Variants in KIAA1217 observed in about 807,000 individuals in gnomAD.
KIAA1217 encodes KIAA1217.
In KIAA1217, 88 loss-of-function variants were observed where a neutral mutation model predicts 163.9. The observed-to-expected ratio is 0.54, with a 90% confidence interval of 0.45 to 0.64. The LOEUF is 0.64. Among genes scored for constraint, KIAA1217 ranks in the 30% least tolerant of loss-of-function variants. The pLI is 0.00. For missense variants in KIAA1217, 2,372 were observed against 2,475.0 expected (o/e 0.96, Z 0.88); for synonymous variants, 903 against 923.1 (o/e 0.98, Z 0.39).
chr10:24,009,147 G>C (rs961042045), intron 2 of KIAA1217, among the ~76,000 whole-genome samples: 1 of 152,102 alleles, frequency 6.6e-6, no homozygotes, highest in African/African-American at 2.4e-5. Context: ...TAATTTTAAA[G>C]AATAAAATAA....
In KIAA1217 at chr10:23,755,321, TC is replaced by T. The variant is rs202176363; in HGVS notation, c.-321+60088del. 1.6e-3 allele frequency among the ~76,000 whole-genome samples: 248 copies of T among 152,340 alleles called. 13 individuals carry two copies. The East Asian group carries it at 0.028, about 17-fold the overall frequency. On this transcript the variant is annotated intron_variant, in intron 1 of 18. Transcript: ENST00000376462. ...CATTTCTAATATATACGACAGTTCT[TC>T]ACCATAGATCTTTGGCCATATCCAG...
chr10:24,451,732 C>T (rs988604824), intron 5 of KIAA1217, among the ~76,000 whole-genome samples: 1 of 152,346 alleles, frequency 6.6e-6, no homozygotes, highest in Middle Eastern at 3.4e-3. Context: ...TTTGCCACAT[C>T]CCTCTGCCCT....
intron 1 of KIAA1217, among the ~76,000 whole-genome samples, chr10:23,714,262 T>A (rs11593748): frequency 0.18 from 27,495 of 152,076 alleles, 2,635 homozygotes; most frequent in Middle Eastern, 0.26. Context: ...TACTAACCAT[T>A]GTCTTAGGGC....
chr10:23,856,017 A>C (rs1262956052), intron 1 of KIAA1217, among the ~76,000 whole-genome samples: 1 of 152,186 alleles, frequency 6.6e-6, no homozygotes, highest in Non-Finnish European at 1.5e-5. Flanking sequence ...AACTCGTGAA[A>C]GTCATTCTCC....
At chr10:23,934,967 A>G (rs1459080401) in intron 1 of KIAA1217, among the ~76,000 whole-genome samples, 1 of 152,102 alleles carries the variant, frequency 6.6e-6, no homozygotes, top group African/African-American at 2.4e-5. Flanking sequence ...AAACAAATGC[A>G]AATAAATTCA....
chr10:23,895,821 G>T (rs1306170177), intron 1 of KIAA1217, among the ~76,000 whole-genome samples: 1 of 151,818 alleles, frequency 6.6e-6, no homozygotes, highest in Non-Finnish European at 1.5e-5. Flanking sequence ...CATAAAAAAT[G>T]ATGAGTTCAT....
chr10:24,273,014 T>C (rs1249701745), intron 2 of KIAA1217, among the ~76,000 whole-genome samples: 2 of 152,224 alleles, frequency 1.3e-5, no homozygotes, highest in African/African-American at 2.4e-5. Context: ...CTTCTGCGCC[T>C]TGGACAGTTA....
chr10:23,824,679 A>G (rs1370218694), intron 1 of KIAA1217, among the ~76,000 whole-genome samples: 1 of 138,962 alleles, frequency 7.2e-6, no homozygotes, highest in African/African-American at 2.6e-5. Context: ...ATATATATAT[A>G]TATGTATATA....
chr10:23,712,145 T>C (rs1837295746), intron 1 of KIAA1217, among the ~76,000 whole-genome samples: 1 of 152,100 alleles, frequency 6.6e-6, no homozygotes, highest in African/African-American at 2.4e-5. Context: ...AGGGCCAAAC[T>C]GTACAGGGTA....
At chr10:24,317,845 T>C (rs1361345828) in intron 2 of KIAA1217, among the ~76,000 whole-genome samples, 1 of 152,232 alleles carries the variant, frequency 6.6e-6, no homozygotes, top group Non-Finnish European at 1.5e-5. Context: ...TAGTGGCCAA[T>C]TGAAAATACA....
chr10:24,441,550 T>TG (rs1294755321), intron 5 of KIAA1217, among the ~76,000 whole-genome samples: 1 of 152,130 alleles, frequency 6.6e-6, no homozygotes, highest in African/African-American at 2.4e-5. Context: ...GCATGCTTGG[T>TG]GGGGAAAACG....
chr10:24,063,306 T>C (rs2060806183), intron 2 of KIAA1217, among the ~76,000 whole-genome samples: 1 of 152,220 alleles, frequency 6.6e-6, no homozygotes, highest in African/African-American at 2.4e-5. Flanking sequence ...CATGTTGAAT[T>C]AATTTTTGTA....
At chr10:24,411,669 C>T (rs1430756001) in intron 3 of KIAA1217, among the ~76,000 whole-genome samples, 1 of 151,948 alleles carries the variant, frequency 6.6e-6, no homozygotes, top group African/African-American at 2.4e-5. Context: ...TTGAGACATC[C>T]TTTTCTATTA....
intron 2 of KIAA1217, among the ~76,000 whole-genome samples, chr10:24,188,150 A>G (rs1441993637): frequency 1.3e-5 from 2 of 152,102 alleles, no homozygotes; most frequent in Non-Finnish European, 2.9e-5. Context: ...TGAGCCGAGA[A>G]CCCACCACTG....
intron 2 of KIAA1217, among the ~76,000 whole-genome samples, chr10:24,126,410 C>T (rs2063475100): frequency 6.6e-6 from 1 of 152,012 alleles, no homozygotes; most frequent in Admixed American, 6.6e-5. Context: ...TAGTCTTAGT[C>T]ACTTAAAACA....
At chr10:24,437,520 A>G (rs1272632902) in intron 4 of KIAA1217, among the ~76,000 whole-genome samples, 1 of 152,212 alleles carries the variant, frequency 6.6e-6, no homozygotes, top group Non-Finnish European at 1.5e-5. Flanking sequence ...GAGCTAGCCC[A>G]GCCGGCATTG....
chr10:23,764,926 C>G (rs10828543), intron 1 of KIAA1217, among the ~76,000 whole-genome samples: 42,817 of 151,962 alleles, frequency 0.28, 7,425 homozygotes, highest in African/African-American at 0.49. Context: ...TCAACATTCT[C>G]GTCTGTATTA....
chr10:24,285,436 C>A (rs2078442561), intron 2 of KIAA1217, among the ~76,000 whole-genome samples: 1 of 152,198 alleles, frequency 6.6e-6, no homozygotes, highest in Non-Finnish European at 1.5e-5. Flanking sequence ...TTTCATTCCT[C>A]CGCTTATGGC....
chr10:23,722,308 A>G (rs919597354), intron 1 of KIAA1217, among the ~76,000 whole-genome samples: 3 of 152,172 alleles, frequency 2.0e-5, no homozygotes, highest in African/African-American at 7.2e-5. Flanking sequence ...GACTATGACA[A>G]TAAGAATGTA....
Sources: allele counts gnomAD v4.1 joint callset (sites outside exome capture counted in the v4.1 genomes callset), GRCh38; gene constraint gnomAD v4.1.1; transcripts MANE v1.5; gene names NCBI Gene and HGNC (gene_info 2026-07-23, HGNC 2026-07-21).